Variants in PTPRG observed in about 807,000 individuals in gnomAD.
The protein encoded by PTPRG is protein tyrosine phosphatase receptor type G, also known as receptor-type tyrosine-protein phosphatase gamma.
PTPRG carries 102 observed loss-of-function variants against 165.3 expected under a neutral mutation model. The ratio of observed to expected loss-of-function variants is 0.62; its 90% confidence interval spans 0.53 to 0.73. The LOEUF (loss-of-function observed/expected upper bound fraction) is 0.73. Ranked by LOEUF, PTPRG falls within the 30% of genes least tolerant of loss-of-function variation. PTPRG has a pLI of 0.00. For missense variants in PTPRG, 1,866 were observed against 1,861.4 expected (o/e 1.00, Z -0.05); for synonymous variants, 675 against 669.5 (o/e 1.01, Z -0.13).
intron 1 of PTPRG, among the ~76,000 whole-genome samples, chr3:61,567,604 C>T (rs1445728600): frequency 2.0e-5 from 3 of 146,612 alleles, no homozygotes; most frequent in South Asian, 2.1e-4. Context: ...AGGTTGAGGC[C>T]GCAGTGTACT....
intron 2 of PTPRG, among the ~76,000 whole-genome samples, chr3:61,780,368 A>T (rs144288378): frequency 1.3e-5 from 2 of 152,208 alleles, no homozygotes; most frequent in African/African-American, 4.8e-5. Flanking sequence ...AGAATGCTTA[A>T]TGAAGCATTA....
At chr3:62,055,702 G>C (rs961049627) in intron 4 of PTPRG, among the ~76,000 whole-genome samples, 2 of 152,172 alleles carry the variant, frequency 1.3e-5, no homozygotes, top group African/African-American at 4.8e-5. Context: ...TTTGCTCTTA[G>C]CTTCTGGTGG....
chr3:62,243,956 A>T, intron 15 of PTPRG, 58 bp downstream of exon 15: 1 of 1,084,476 alleles, frequency 9.2e-7, no homozygotes, highest in Non-Finnish European at 1.4e-6. Context: ...TTTTATTCTC[A>T]GTTTTATGTG....
At chr3:61,707,902 C>T (rs1049027062) in intron 1 of PTPRG, among the ~76,000 whole-genome samples, 16 of 152,146 alleles carry the variant, frequency 1.1e-4, no homozygotes, top group African/African-American at 3.9e-4. Flanking sequence ...AATTCTTCTC[C>T]CTCAGCCTCC....
intron 2 of PTPRG, among the ~76,000 whole-genome samples, chr3:61,900,886 C>G (rs532988133): frequency 6.6e-6 from 1 of 152,114 alleles, no homozygotes; most frequent in Non-Finnish European, 1.5e-5. Flanking sequence ...TGGTTTTAGG[C>G]AAGGGATCTA....
rs1197003634 is a variant in PTPRG, at chr3:61,989,889, T to C, written c.370+85T>C. 15 of 1,461,962 alleles carry C rather than the reference T, an allele frequency of 1.0e-5. No individual in the cohort carries two copies. The East Asian group carries it at 2.6e-4, about 25-fold the overall frequency. 90.6% of individuals were successfully genotyped at this position (1,461,962 alleles called of 1,614,324 possible). On this transcript the variant is annotated intron_variant, in intron 3 of 29. Transcript: ENST00000474889. The stretch of plus-strand genomic sequence containing the variant: ...GGTGTTTTCCTTAACCATGACTTGC[T>C]CCTTAAATAGTGCACATTGCTGTGG...
At chr3:62,064,053 CTCT>C (rs1700914716) in intron 4 of PTPRG, among the ~76,000 whole-genome samples, 1 of 152,150 alleles carries the variant, frequency 6.6e-6, no homozygotes, top group Non-Finnish European at 1.5e-5. Flanking sequence ...TAGATTCACC[CTCT>C]TCTTCTTACA....
intron 4 of PTPRG, among the ~76,000 whole-genome samples, chr3:62,007,991 C>T (rs1291982669): frequency 6.6e-6 from 1 of 152,142 alleles, no homozygotes; most frequent in African/African-American, 2.4e-5. Flanking sequence ...TAAACAAACT[C>T]AGAATATTCC....
At chr3:61,797,557 T>C (rs1030111827) in intron 2 of PTPRG, among the ~76,000 whole-genome samples, 8 of 151,416 alleles carry the variant, frequency 5.3e-5, no homozygotes, top group Admixed American at 4.6e-4. Context: ...GTGTTGTCAC[T>C]AGCCTGGAGT....
Position 62,203,581 on chromosome 3 carries a change from G to C in PTPRG, c.1786G>C (p.Glu596Gln). ...GAGTGAGGATGGGGAGCGGGAGCAC[G>C]AGGAGGATGGAGAGAAGGACTCCGA... Reference protein sequence around the residue: ...SESEDGEREHEEDGEKDSEKK... With the variant: ...SESEDGEREHQEDGEKDSEKK... Residue 596 changes from glutamate (E) to glutamine (Q), a missense_variant, in exon 12 of 30, where the codon GAG becomes CAG. Transcript: ENST00000474889. The surrounding 1 kb of genome is among the most constrained non-coding windows in gnomAD (Gnocchi z 6.4). 6.4e-7 allele frequency: 1 copy of C among 1,552,504 alleles called. No homozygotes were observed. The highest frequency in any genetic ancestry group is 1.2e-5 in the South Asian group (1 of 84,144).
intron 2 of PTPRG, among the ~76,000 whole-genome samples, chr3:61,971,668 T>G (rs1659303080): frequency 1.3e-5 from 2 of 152,244 alleles, no homozygotes; most frequent in South Asian, 4.1e-4. Flanking sequence ...TAGGTATACT[T>G]CCAGTTAAAA....
chr3:62,000,480 A>G (rs1015650179), intron 3 of PTPRG, among the ~76,000 whole-genome samples: 4 of 152,174 alleles, frequency 2.6e-5, no homozygotes, highest in African/African-American at 9.7e-5. Flanking sequence ...AGAGAGAAGC[A>G]TCCAGAGAAA....
At chr3:62,265,874 A>ACG (rs1491549483) in intron 17 of PTPRG, among the ~76,000 whole-genome samples, 1 of 96,060 alleles carries the variant, frequency 1.0e-5, no homozygotes, top group Non-Finnish European at 2.2e-5. Context: ...ACACACACAC[A>ACG]CGTATACATC....
rs567553095 is a variant in PTPRG at position 61,979,334 on chromosome 3, G to C, written c.191-10291G>C. Among the ~76,000 whole-genome samples the C allele has an allele frequency of 3.3e-5, 5 of 152,226 alleles. No individual in the cohort carries two copies. The East Asian group carries it at 9.7e-4, about 29-fold the overall frequency. On this transcript the variant is annotated intron_variant, in intron 2 of 29. Transcript: ENST00000474889. ...TTATGACACTTTTGAAATATTATTT[G>C]TTTTGATAACTGAATTTTTGGTGAA...
chr3:62,053,429 G>T (rs991662717), intron 4 of PTPRG, among the ~76,000 whole-genome samples: 13 of 152,096 alleles, frequency 8.5e-5, no homozygotes, highest in Middle Eastern at 6.8e-3. Context: ...ATCACACCTG[G>T]CTAATTTTTG....
intron 8 of PTPRG, among the ~76,000 whole-genome samples, chr3:62,185,469 C>A (rs1428346986): frequency 1.3e-5 from 2 of 152,142 alleles, no homozygotes; most frequent in East Asian, 3.9e-4. Flanking sequence ...GTGGTGTGCC[C>A]TCGAGAGTGC....
rs1281359905 is a variant in PTPRG at position 61,923,552 on chromosome 3, T to C, written c.191-66073T>C. Among the ~76,000 whole-genome samples the C allele has an allele frequency of 6.3e-5, 9 of 142,824 alleles. No individual in the cohort carries two copies. The East Asian group carries it at 9.0e-4, about 14-fold the overall frequency. 93.7% of individuals were successfully genotyped at this position (142,824 alleles called of 152,430 possible). On this transcript the variant is annotated intron_variant, in intron 2 of 29. Coordinates refer to ENST00000474889, the MANE Select transcript of PTPRG (RefSeq NM_002841.4). ...AGGTATATCTCCTAATGCCAACCCT[T>C]CCCCTCCCCCCACCCCACAACAGCC...
chr3:61,734,931 T>G (rs2032660430), intron 1 of PTPRG, among the ~76,000 whole-genome samples: 1 of 152,190 alleles, frequency 6.6e-6, no homozygotes, highest in African/African-American at 2.4e-5. Flanking sequence ...ATGAAACTGC[T>G]TTTCCGTCTG....
intron 4 of PTPRG, among the ~76,000 whole-genome samples, chr3:62,004,675 A>G (rs1270278427): frequency 6.6e-6 from 1 of 152,318 alleles, no homozygotes; most frequent in East Asian, 1.9e-4. Flanking sequence ...CTTTCTGTGC[A>G]GCGAGCAGCC....
Sources: gnomAD v4.1 joint callset for allele counts (sites outside exome capture counted in the v4.1 genomes callset) on GRCh38, gnomAD v4.1.1 for gene constraint, Gnocchi (gnomAD v3.1) non-coding constraint, MANE v1.5 for transcripts, NCBI Gene and HGNC (gene_info 2026-07-23, HGNC 2026-07-21) for gene names.